The following CADM2 variants were observed in gnomAD, a reference collection of about 807,000 sequenced individuals.
CADM2 encodes cell adhesion molecule 2, also known as immunoglobulin superfamily member 4D.
In CADM2, 12 loss-of-function variants were observed where a neutral mutation model predicts 49.8. The ratio of observed to expected loss-of-function variants is 0.24; its 90% CI spans 0.15 to 0.39. The LOEUF is 0.39. Among genes scored for constraint, CADM2 ranks in the 10% least tolerant of loss-of-function variants. The pLI is 1.00. For missense variants in CADM2, 378 were observed against 492.3 expected (o/e 0.77, Z 2.20); for synonymous variants, 214 against 175.4 (o/e 1.22, Z -1.74).
At chr3:85,672,503 C>G (rs1013604194) in intron 1 of CADM2, among the ~76,000 whole-genome samples, 1 of 152,030 alleles carries the variant, frequency 6.6e-6, no homozygotes, top group African/African-American at 2.4e-5. Flanking sequence ...AATACTGATA[C>G]TCAGTGGCTT....
At chr3:85,527,914 C>T (rs1273273217) in intron 1 of CADM2, among the ~76,000 whole-genome samples, 4 of 152,030 alleles carry the variant, frequency 2.6e-5, no homozygotes, top group African/African-American at 9.7e-5. Flanking sequence ...TTCTTTTAGT[C>T]TATTTTGAGT....
At chr3:85,443,982 T>A (rs1157716255) in intron 1 of CADM2, among the ~76,000 whole-genome samples, 2 of 152,182 alleles carry the variant, frequency 1.3e-5, no homozygotes, top group Non-Finnish European at 2.9e-5. Context: ...ATCTCATTCC[T>A]TCCACAGTAT....
intron 1 of CADM2, among the ~76,000 whole-genome samples, chr3:85,358,020 G>T (rs756416990): frequency 2.5e-4 from 38 of 152,080 alleles, no homozygotes; most frequent in Non-Finnish European, 4.0e-4. Context: ...AAATGTATTT[G>T]TATGGATACT....
At chr3:86,022,774 A>G (rs1161302154) in intron 8 of CADM2, among the ~76,000 whole-genome samples, 1 of 152,148 alleles carries the variant, frequency 6.6e-6, no homozygotes, top group Non-Finnish European at 1.5e-5. Flanking sequence ...TAATAATATG[A>G]TTTAAAATAA....
chr3:85,345,059 G>A (rs749020780), intron 1 of CADM2, among the ~76,000 whole-genome samples: 51 of 151,952 alleles, frequency 3.4e-4, no homozygotes, highest in South Asian at 4.2e-4. Context: ...GGCTCATGCC[G>A]TAATCCAGCA....
At chr3:85,089,021 A>G (rs9820587) in intron 1 of CADM2, among the ~76,000 whole-genome samples, 90,338 of 151,762 alleles carry the variant, frequency 0.6, 27,715 homozygotes, top group Non-Finnish European at 0.65. Context: ...GACTTTAAAC[A>G]GTAATTCATG....
At chr3:85,892,936 C>A (rs1178489052) in intron 5 of CADM2, among the ~76,000 whole-genome samples, 2 of 152,080 alleles carry the variant, frequency 1.3e-5, no homozygotes, top group Non-Finnish European at 2.9e-5. Flanking sequence ...CTAGAGACTT[C>A]TTGAATGGCT....
At chr3:85,388,138 C>A (rs918675347) in intron 1 of CADM2, among the ~76,000 whole-genome samples, 1 of 152,150 alleles carries the variant, frequency 6.6e-6, no homozygotes, top group South Asian at 2.1e-4. Context: ...GAGCGATACT[C>A]CCGCCTCAGC....
At chr3:85,320,522 C>T (rs910617565) in intron 1 of CADM2, among the ~76,000 whole-genome samples, 1 of 152,126 alleles carries the variant, frequency 6.6e-6, no homozygotes, top group Non-Finnish European at 1.5e-5. Context: ...TGTCCCCTGA[C>T]ATCAGTTTGG....
chr3:85,886,002 T>A (rs1713602707), intron 4 of CADM2, among the ~76,000 whole-genome samples, 188 bp from the exon 5 acceptor site: 1 of 152,138 alleles, frequency 6.6e-6, no homozygotes, highest in South Asian at 2.1e-4. Context: ...TGTATGCATA[T>A]AGACATATAC....
At chr3:85,930,656 G>A (rs1720471339) in intron 6 of CADM2, among the ~76,000 whole-genome samples, 1 of 151,770 alleles carries the variant, frequency 6.6e-6, no homozygotes, top group Non-Finnish European at 1.5e-5. Flanking sequence ...CTATGATTAC[G>A]AGTTGAATTG....
At chr3:84,986,037 C>T (rs2032530607) in intron 1 of CADM2, among the ~76,000 whole-genome samples, 2 of 152,078 alleles carry the variant, frequency 1.3e-5, no homozygotes, top group South Asian at 4.1e-4. Context: ...CAGACAACTA[C>T]CATTACCCAA....
At chr3:85,221,713 G>A (rs899165381) in intron 1 of CADM2, among the ~76,000 whole-genome samples, 40 of 152,242 alleles carry the variant, frequency 2.6e-4, no homozygotes, top group East Asian at 1.9e-4. Flanking sequence ...ACAAGCTAAC[G>A]GTAAGTGGTG....
At chr3:85,123,214 G>T (rs13101042) in intron 1 of CADM2, among the ~76,000 whole-genome samples, 16,882 of 151,866 alleles carry the variant, frequency 0.11, 2,058 homozygotes, top group African/African-American at 0.3. Context: ...GAGCCTGATT[G>T]CTTTGTCAAC....
At chr3:85,499,552 G>A (rs1673532924) in intron 1 of CADM2, among the ~76,000 whole-genome samples, 1 of 151,140 alleles carries the variant, frequency 6.6e-6, no homozygotes, top group Admixed American at 6.6e-5. Flanking sequence ...TAATATTAAT[G>A]TATTATTAAA....
At chr3:85,142,988 T>C (rs1171771011) in intron 1 of CADM2, among the ~76,000 whole-genome samples, 1 of 152,184 alleles carries the variant, frequency 6.6e-6, no homozygotes, top group Admixed American at 6.5e-5. Context: ...TGAAGATATA[T>C]TGCAAATTTT....
At chr3:85,530,604 C>T (rs2061284265) in intron 1 of CADM2, among the ~76,000 whole-genome samples, 1 of 152,000 alleles carries the variant, frequency 6.6e-6, no homozygotes, top group Admixed American at 6.6e-5. Context: ...GCTGGGATTA[C>T]AGGCGTGAGC....
intron 1 of CADM2, among the ~76,000 whole-genome samples, chr3:85,587,700 A>C (rs922250675): frequency 6.6e-6 from 1 of 152,006 alleles, no homozygotes; most frequent in Non-Finnish European, 1.5e-5. Context: ...CCATAATGGC[A>C]ACAAGAAACA....
At chr3:85,655,659 T>G (rs2065175095) in intron 1 of CADM2, among the ~76,000 whole-genome samples, 1 of 152,138 alleles carries the variant, frequency 6.6e-6, no homozygotes, top group Non-Finnish European at 1.5e-5. Flanking sequence ...TACCTAATAT[T>G]AATGACCTTC....
Sources: allele counts gnomAD v4.1 joint callset (sites outside exome capture counted in the v4.1 genomes callset), GRCh38; gene constraint gnomAD v4.1.1; transcripts MANE v1.5; gene names NCBI Gene and HGNC (gene_info 2026-07-23, HGNC 2026-07-21).